The following SASH1 variants were observed in gnomAD, a reference collection of about 807,000 sequenced individuals.
SASH1 encodes SAM and SH3 domain containing 1.
A neutral mutation model predicts 125.2 loss-of-function variants in SASH1; 44 were observed. That is an observed-to-expected ratio of 0.35 (90% CI 0.28 to 0.45). The LOEUF (loss-of-function observed/expected upper bound fraction) is 0.45, where lower values mean the gene tolerates loss of function less well. Ranked by LOEUF, SASH1 falls within the 20% of genes least tolerant of loss-of-function variation. The probability of loss-of-function intolerance (pLI) is 1.00; values close to 1 mark genes in which losing one functional copy is unlikely to be tolerated. For missense variants in SASH1, 1,426 were observed against 1,614.5 expected (o/e 0.88, Z 2.00); for synonymous variants, 639 against 649.1 (o/e 0.98, Z 0.24).
At chr6:148,359,898 A>G (rs141675941) in intron 1 of SASH1, among the ~76,000 whole-genome samples, 12,954 of 152,176 alleles carry the variant, frequency 0.085, 805 homozygotes, top group East Asian at 0.31. Context: ...AGCTGGGACT[A>G]CAGGTGCCCG....
chr6:148,272,207 TA>T (rs1779078688), upstream of SASH1: 1 of 285,810 alleles, frequency 3.5e-6, no homozygotes, highest in African/African-American at 2.2e-5. Context: ...TTAAAGTTGA[TA>T]ATCCCTAGGG....
At chr6:148,492,680 A>T (rs997637869) in intron 8 of SASH1, among the ~76,000 whole-genome samples, 3 of 151,912 alleles carry the variant, frequency 2.0e-5, no homozygotes, top group Admixed American at 1.3e-4. Context: ...AATTAGCCAG[A>T]TGTGGTGGTC....
chr6:148,218,478 A>G, the SASH1 span, among the ~76,000 whole-genome samples: 1 of 152,210 alleles, frequency 6.6e-6, no homozygotes, highest in African/African-American at 2.4e-5. Flanking sequence ...CATTTTCTTT[A>G]GTGGGACATT....
At chr6:148,237,473 G>A in the SASH1 span, 2 of 152,088 alleles carry the variant, frequency 1.3e-5, no homozygotes, top group Non-Finnish European at 2.9e-5. Context: ...TACCAACTAT[G>A]CCCAGGGTTT....
At chr6:148,545,335 G>A (rs1486206921) in intron 18 of SASH1, among the ~76,000 whole-genome samples, 2 of 152,130 alleles carry the variant, frequency 1.3e-5, no homozygotes, top group Non-Finnish European at 2.9e-5. Flanking sequence ...ATTCCTGAGA[G>A]TCCTTTATTA....
At chr6:148,540,306 A>G (rs1253973160) in intron 16 of SASH1, 137 bp from the exon 17 acceptor site, 1 of 643,240 alleles carries the variant, frequency 1.6e-6, no homozygotes. Flanking sequence ...GTTCATTTTG[A>G]TCTCATCTAT....
chr6:148,302,564 AT>A (rs1220696963), intron 1 of SASH1, among the ~76,000 whole-genome samples: 2 of 147,142 alleles, frequency 1.4e-5, no homozygotes, highest in African/African-American at 5.0e-5. Context: ...CGTATATAAA[AT>A]ATCTCCATGC....
At chr6:148,453,768 G>T (rs1244249865) in intron 4 of SASH1, among the ~76,000 whole-genome samples, 1 of 152,196 alleles carries the variant, frequency 6.6e-6, no homozygotes, top group Non-Finnish European at 1.5e-5. Context: ...ATAATGCAAT[G>T]CGAAAACCAT....
chr6:148,453,757 T>A (rs1482062108), intron 4 of SASH1, among the ~76,000 whole-genome samples: 1 of 152,162 alleles, frequency 6.6e-6, no homozygotes, highest in Admixed American at 6.5e-5. Context: ...GAAAGATGCT[T>A]ATAATGCAAT....
chr6:148,470,590 C>T (rs75192031), intron 5 of SASH1, among the ~76,000 whole-genome samples: 10,264 of 152,292 alleles, frequency 0.067, 444 homozygotes, highest in Non-Finnish European at 0.097. Context: ...AAAGGTATTA[C>T]GTGTTATCAA....
chr6:148,423,017 C>A (rs967992197), intron 2 of SASH1, among the ~76,000 whole-genome samples: 1 of 152,332 alleles, frequency 6.6e-6, no homozygotes, highest in Admixed American at 6.5e-5. Context: ...CGGCTTACTG[C>A]AACCTCTGCC....
chr6:148,238,595 C>A, the SASH1 span, among the ~76,000 whole-genome samples: 1 of 148,896 alleles, frequency 6.7e-6, no homozygotes, highest in Non-Finnish European at 1.5e-5. Flanking sequence ...CCACCCTGTC[C>A]CTAATGTGTG....
At position 148,534,052 on chromosome 6, in the gene SASH1, G is replaced by A. The variant is rs1316846249; in HGVS notation, c.1944+72G>A. ...TTTCTCTCCTACACTAAGCAAGTGA[G>A]GGCATTTTTAGGGTAGGGTTGGGGC... On this transcript the variant is annotated intron_variant, in intron 15 of 19. Coordinates refer to ENST00000367467, the MANE Select transcript of SASH1 (RefSeq NM_015278.5). 5 of 1,434,492 alleles carry A rather than the reference G, an allele frequency of 3.5e-6. No individual in the cohort carries two copies. In the African/African-American group the frequency reaches 5.6e-5, roughly 16 times the overall value. The allele number at this position is 1,434,492 out of a possible 1,614,324, so 88.9% of individuals were successfully genotyped here.
chr6:148,440,288 T>A (rs1448423568), intron 3 of SASH1, 54 bp downstream of exon 3: 2 of 1,609,032 alleles, frequency 1.2e-6, no homozygotes, highest in Non-Finnish European at 1.7e-6. Context: ...TTTTTTTAAG[T>A]GACACTCTGT....
the SASH1 span, among the ~76,000 whole-genome samples, chr6:148,199,072 A>G: frequency 6.6e-6 from 1 of 152,206 alleles, no homozygotes; most frequent in African/African-American, 2.4e-5. Flanking sequence ...GGCTGATATC[A>G]GTACGGGGAT....
intron 2 of SASH1, among the ~76,000 whole-genome samples, chr6:148,407,543 A>C (rs553868360): frequency 1.3e-5 from 2 of 152,322 alleles, no homozygotes; most frequent in South Asian, 4.2e-4. Flanking sequence ...ACATGAGTGT[A>C]CAAATAGCTC....
chr6:148,287,701 GT>G (rs1554229804), intron 1 of SASH1, among the ~76,000 whole-genome samples: 4,154 of 78,066 alleles, frequency 0.053, 133 homozygotes, highest in Admixed American at 0.13. Flanking sequence ...GTGTGGGGGG[GT>G]GGGGGGTGGT....
chr6:148,383,026 T>C (rs1783209880), intron 1 of SASH1, among the ~76,000 whole-genome samples: 1 of 152,172 alleles, frequency 6.6e-6, no homozygotes, highest in Non-Finnish European at 1.5e-5. Flanking sequence ...CTCAGAAAAG[T>C]ATTTGAGATT....
chr6:148,443,173 A>T lies in SASH1; in HGVS notation c.386+2766A>T, dbSNP rs1196226167. Among the ~76,000 whole-genome samples, 3 of 147,146 alleles carry T rather than the reference A, an allele frequency of 2.0e-5. No individual in the cohort carries two copies. In the Admixed American group the frequency reaches 2.1e-4, roughly 10 times the overall value. On this transcript the variant is annotated intron_variant, in intron 4 of 19. Transcript: ENST00000367467. ...AAAAAAAAAAAAAAAAAAATGGCTC[A>T]CGGCATGTTGGTGTCACGTCTTTTG...
Sources: allele counts gnomAD v4.1 joint callset (sites outside exome capture counted in the v4.1 genomes callset), GRCh38; gene constraint gnomAD v4.1.1; transcripts MANE v1.5; gene names NCBI Gene and HGNC (gene_info 2026-07-23, HGNC 2026-07-21).